The following HS2ST1 variants were observed in gnomAD, a reference collection of about 807,000 sequenced individuals.
The protein encoded by HS2ST1 is 2-O-sulfotransferase.
Under a neutral mutation model 42.9 loss-of-function variants are expected in HS2ST1, and 18 were observed. The observed-to-expected ratio is 0.42, with a 90% CI of 0.29 to 0.62. HS2ST1 has a LOEUF of 0.62. Ranked by LOEUF, HS2ST1 falls within the 20% of genes least tolerant of loss-of-function variation. The probability of loss-of-function intolerance (pLI) is 0.21; values close to 1 mark genes in which losing one functional copy is unlikely to be tolerated. For missense variants in HS2ST1, 334 were observed against 433.8 expected (o/e 0.77, Z 2.04); for synonymous variants, 146 against 152.9 (o/e 0.95, Z 0.33).
chr1:87,050,743 A>G (rs2100613749), intron 1 of HS2ST1, among the ~76,000 whole-genome samples: 1 of 152,244 alleles, frequency 6.6e-6, no homozygotes, highest in South Asian at 2.1e-4. Context: ...TGTGATTCTT[A>G]GATTACTCTA....
intron 1 of HS2ST1, among the ~76,000 whole-genome samples, chr1:86,915,445 A>G (rs911352215): frequency 3.9e-5 from 6 of 152,158 alleles, no homozygotes; most frequent in African/African-American, 1.4e-4. Flanking sequence ...AGAGAGAGCG[A>G]GAGAGAAGAC....
chr1:86,963,539 C>T (rs1435431857), intron 1 of HS2ST1, among the ~76,000 whole-genome samples: 2 of 152,214 alleles, frequency 1.3e-5, no homozygotes, highest in African/African-American at 4.8e-5. Flanking sequence ...AAAATGGAGT[C>T]TCCTATGTCT....
At chr1:87,092,437 G>A (rs1366181216) in intron 3 of HS2ST1, 94 bp from the exon 4 acceptor site, 1 of 683,048 alleles carries the variant, frequency 1.5e-6, no homozygotes, top group African/African-American at 1.8e-5. Flanking sequence ...TTTCCTTATA[G>A]GACCAGTACT....
chr1:86,945,411 CTAATT>C (rs1449561740), intron 1 of HS2ST1, among the ~76,000 whole-genome samples: 4 of 152,150 alleles, frequency 2.6e-5, no homozygotes, highest in African/African-American at 9.7e-5. Flanking sequence ...TATGAAAAAT[CTAATT>C]TAATTATGAC....
In HS2ST1 at chr1:86,915,102, G is replaced by T. The variant is rs748917456; in HGVS notation, c.66G>T (p.Val22=). 8 of 1,614,134 alleles carry T rather than the reference G, an allele frequency of 5.0e-6. No individual in the cohort carries two copies. The Middle Eastern group carries it at 4.9e-4, about 100-fold the overall frequency. The change falls in exon 1 of 7, where the codon GTG becomes GTT. Residue 22 remains valine (V), a synonymous_variant. Transcript: ENST00000370550. ...TGCTGGCGGTGGTGGCCTTCGCGGT[G>T]GCGATGCTCTTCTTGGAAAACCAGA... ...LQLLAVVAFA[V]AMLFLENQIQ... is the part of the protein sequence containing the mutation.
intron 1 of HS2ST1, among the ~76,000 whole-genome samples, chr1:87,050,639 A>G (rs1367334510): frequency 1.3e-5 from 2 of 152,056 alleles, no homozygotes. Flanking sequence ...ACTTGCTCTT[A>G]TATCACCTTG....
intron 1 of HS2ST1, among the ~76,000 whole-genome samples, chr1:86,918,917 G>T (rs761805698): frequency 1.4e-5 from 2 of 147,930 alleles, no homozygotes; most frequent in African/African-American, 5.0e-5. Flanking sequence ...TTAAATATTA[G>T]AATTAGTAAT....
At chr1:86,980,824 A>G (rs941581107) in intron 1 of HS2ST1, among the ~76,000 whole-genome samples, 1 of 152,228 alleles carries the variant, frequency 6.6e-6, no homozygotes, top group African/African-American at 2.4e-5. Flanking sequence ...CTCAGTATTT[A>G]TTAACGGAAA....
chr1:87,083,892 C>A (rs1424709961), intron 2 of HS2ST1, among the ~76,000 whole-genome samples: 1 of 152,160 alleles, frequency 6.6e-6, no homozygotes, highest in African/African-American at 2.4e-5. Context: ...CATACACCCC[C>A]ACAACGACCC....
chr1:86,926,387 C>T (rs184985615), intron 1 of HS2ST1, among the ~76,000 whole-genome samples: 162 of 152,302 alleles, frequency 1.1e-3, no homozygotes, highest in Non-Finnish European at 1.8e-3. Flanking sequence ...CCTTGATTCT[C>T]GCTCCTTAAT....
chr1:86,997,751 T>C (rs981133780), intron 1 of HS2ST1, among the ~76,000 whole-genome samples: 1 of 152,178 alleles, frequency 6.6e-6, no homozygotes, highest in Admixed American at 6.5e-5. Flanking sequence ...AGTGACTGTG[T>C]GGGTGGGGAG....
chr1:87,072,936 A>T lies in HS2ST1; in HGVS notation c.127A>T (p.Arg43Trp). 1 of 1,611,820 alleles carries T rather than the reference A, an allele frequency of 6.2e-7. No individual in the cohort carries two copies. The highest frequency in any genetic ancestry group is 8.5e-7 in the Non-Finnish European group (1 of 1,177,998). The change falls in exon 2 of 7, where the codon AGG becomes TGG. Residue 43 changes from arginine to tryptophan, a missense_variant and splice_region_variant. Arg to Trp is a moderately radical substitution (Grantham distance 101). Coordinates refer to ENST00000370550, the MANE Select transcript of HS2ST1 (RefSeq NM_012262.4). ...KLEESRSKLE[R>W]AIARHEVREI... The stretch of plus-strand genomic sequence containing the variant: ...TTCGTATCTGTTTTTCTTTCCAGAA[A>T]GGGCTATTGCAAGACACGAAGTCCG...
chr1:86,972,831 T>A (rs1419483912), intron 1 of HS2ST1, among the ~76,000 whole-genome samples: 1 of 152,248 alleles, frequency 6.6e-6, no homozygotes, highest in Non-Finnish European at 1.5e-5. Context: ...GCCTTTCTTC[T>A]GATCAGGATA....
chr1:87,096,963 G>C (rs903350091), intron 4 of HS2ST1, among the ~76,000 whole-genome samples: 1 of 152,126 alleles, frequency 6.6e-6, no homozygotes, highest in African/African-American at 2.4e-5. Context: ...CCACTTTTTA[G>C]AAAATGGCCT....
chr1:86,956,456 G>C (rs1409374446), intron 1 of HS2ST1: 2 of 152,210 alleles, frequency 1.3e-5, no homozygotes, highest in Non-Finnish European at 2.9e-5. Context: ...TGGAAAGATA[G>C]CTTAAAACAA....
chr1:86,993,874 T>G (rs1438540446), intron 1 of HS2ST1, among the ~76,000 whole-genome samples: 1 of 152,124 alleles, frequency 6.6e-6, no homozygotes, highest in Non-Finnish European at 1.5e-5. Context: ...TGGGGTAATA[T>G]GGGAACACAT....
intron 1 of HS2ST1, among the ~76,000 whole-genome samples, chr1:86,917,249 T>C (rs1660181216): frequency 6.6e-6 from 1 of 152,194 alleles, no homozygotes; most frequent in Non-Finnish European, 1.5e-5. Context: ...CCAGACACGG[T>C]GGCTCACGCC....
intron 1 of HS2ST1, among the ~76,000 whole-genome samples, chr1:86,925,550 T>C (rs1055933253): frequency 8.4e-3 from 2 of 238 alleles, no homozygotes; most frequent in African/African-American, 0.04. Context: ...TCACATCTTA[T>C]GTGATGGTGG....
intron 1 of HS2ST1, among the ~76,000 whole-genome samples, chr1:87,036,442 A>C (rs1161208349): frequency 1.8e-4 from 27 of 152,160 alleles, no homozygotes; most frequent in Non-Finnish European, 1.0e-4. Flanking sequence ...TACTATTCAT[A>C]TTATAGTTGA....
Sources: gnomAD v4.1 joint callset for allele counts (sites outside exome capture counted in the v4.1 genomes callset) on GRCh38, gnomAD v4.1.1 for gene constraint, MANE v1.5 for transcripts, NCBI Gene and HGNC (gene_info 2026-07-23, HGNC 2026-07-21) for gene names.